COMMD1: variants seen among roughly 807,000 people sequenced by gnomAD.
COMMD1 encodes COMM domain-containing protein 1.
COMMD1 carries 10 observed loss-of-function variants against 17.2 expected under a neutral mutation model. That is an observed-to-expected ratio of 0.58 (90% CI 0.36 to 0.99). The LOEUF (loss-of-function observed/expected upper bound fraction) is 0.99. Ranked by LOEUF, COMMD1 falls within the 50% of genes least tolerant of loss-of-function variation. The pLI, the probability that COMMD1 is intolerant of heterozygous loss-of-function variation, is 0.01. For synonymous variants in COMMD1, 97 were observed against 91.6 expected (o/e 1.06, Z -0.34); for missense variants, 270 against 231.8 (o/e 1.17, Z -1.07).
intron 1 of COMMD1, among the ~76,000 whole-genome samples, chr2:61,975,838 A>G (rs1215298893): frequency 6.6e-6 from 1 of 152,194 alleles, no homozygotes; most frequent in African/African-American, 2.4e-5. Flanking sequence ...CATACTTCGT[A>G]TAATTTCTAT....
intron 2 of COMMD1, among the ~76,000 whole-genome samples, chr2:62,056,396 C>T (rs1014110843): frequency 1.3e-5 from 2 of 152,180 alleles, no homozygotes; most frequent in African/African-American, 4.8e-5. Context: ...ATGAGAGCCA[C>T]TCCAGAGATT....
At chr2:61,928,690 C>A (rs1005287462) in intron 1 of COMMD1, 1 of 152,094 alleles carries the variant, frequency 6.6e-6, no homozygotes, top group African/African-American at 2.4e-5. Context: ...TTGTGATAAG[C>A]TATAAACCAG....
intron 2 of COMMD1, among the ~76,000 whole-genome samples, chr2:62,007,210 T>C (rs7609513): frequency 0.29 from 43,975 of 152,038 alleles, 8,342 homozygotes; most frequent in African/African-American, 0.54. Context: ...GTTGAGTTTT[T>C]AGCAGACCTA....
At position 61,910,019 on chromosome 2, in the gene COMMD1, C is replaced by T. The variant is rs1325938023; in HGVS notation, c.180+4161C>T. Among the ~76,000 whole-genome samples the T allele has an allele frequency of 2.6e-5, 4 of 152,254 alleles. No individual in the cohort carries two copies. In the South Asian group the frequency reaches 8.3e-4, roughly 32 times the overall value. ...GCCCTCCTATCCTACTTGACTGGGACATTGACCCTCTCTAGCTTTGCCTGT... is the reference window on the plus strand; with the variant it reads ...GCCCTCCTATCCTACTTGACTGGGATATTGACCCTCTCTAGCTTTGCCTGT... On this transcript the variant is annotated intron_variant, in intron 1 of 2. Coordinates refer to ENST00000311832, the MANE Select transcript of COMMD1 (RefSeq NM_152516.4).
chr2:62,030,474 C>G (rs1275561435), intron 2 of COMMD1, among the ~76,000 whole-genome samples: 1 of 152,152 alleles, frequency 6.6e-6, no homozygotes, highest in Non-Finnish European at 1.5e-5. Context: ...GGTCTCTAGC[C>G]ACTAGTCAAC....
At chr2:62,049,970 A>G (rs1210065395) in intron 2 of COMMD1, among the ~76,000 whole-genome samples, 1 of 151,572 alleles carries the variant, frequency 6.6e-6, no homozygotes, top group Non-Finnish European at 1.5e-5. Flanking sequence ...CAGATAAATC[A>G]AAAAAACATG....
chr2:61,919,679 T>C (rs1350400839), intron 1 of COMMD1, among the ~76,000 whole-genome samples: 3 of 152,110 alleles, frequency 2.0e-5, no homozygotes, highest in Non-Finnish European at 4.4e-5. Flanking sequence ...ACTGGTGCCC[T>C]GAGTTTTGCT....
chr2:61,888,940 T>C (rs1669342146), intron 1 of COMMD1: 1 of 154,942 alleles, frequency 6.5e-6, no homozygotes. Context: ...AGTCTCACTC[T>C]GTTGCCCAGG....
intron 1 of COMMD1, among the ~76,000 whole-genome samples, chr2:61,939,297 C>CAA (rs1194444288): frequency 5.4e-4 from 35 of 65,268 alleles, no homozygotes; most frequent in South Asian, 1.5e-3. Flanking sequence ...ACTAAAAATA[C>CAA]AAAAAAAAAA....
At chr2:61,953,935 T>A (rs1310921207) in intron 1 of COMMD1, among the ~76,000 whole-genome samples, 2 of 152,114 alleles carry the variant, frequency 1.3e-5, no homozygotes, top group Non-Finnish European at 2.9e-5. Context: ...AAGAGTCTAT[T>A]CAGGCCGGGT....
rs538169159 is a variant in COMMD1, at chr2:62,089,865, A to G, written c.463-45966A>G. Among the ~76,000 whole-genome samples the G allele has an allele frequency of 2.0e-5, 3 of 152,190 alleles. No homozygotes were observed. In the South Asian group the frequency reaches 6.2e-4, roughly 32 times the overall value. On this transcript the variant is annotated intron_variant, in intron 2 of 2. Coordinates refer to ENST00000311832, the MANE Select transcript of COMMD1 (RefSeq NM_152516.4). ...TCAGAATGCATATGCAGGCCAACTA[A>G]CAGCAGCAGGTCCCACAGCGCTAAG...
intron 1 of COMMD1, among the ~76,000 whole-genome samples, chr2:61,960,840 A>T (rs953968766): frequency 4.6e-5 from 7 of 152,166 alleles, no homozygotes; most frequent in Non-Finnish European, 1.0e-4. Flanking sequence ...CCAAGGAAGT[A>T]GTTTGTCACC....
intron 2 of COMMD1, among the ~76,000 whole-genome samples, chr2:62,121,276 A>G (rs766459423): frequency 9.4e-5 from 14 of 148,592 alleles, no homozygotes; most frequent in South Asian, 2.2e-4. Context: ...AGGCTGAGGC[A>G]GGAGAATCAC....
chr2:61,989,463 AT>A (rs1238326375), intron 1 of COMMD1, among the ~76,000 whole-genome samples: 546 of 137,208 alleles, frequency 4.0e-3, no homozygotes, highest in Admixed American at 4.0e-3. Context: ...GCAAATATTG[AT>A]TTTTTTTTTT....
intron 2 of COMMD1, among the ~76,000 whole-genome samples, chr2:62,113,189 T>C (rs572690649): frequency 1.3e-5 from 2 of 148,330 alleles, no homozygotes; most frequent in Non-Finnish European, 3.0e-5. Context: ...TACAAAAAAA[T>C]TAAAAAAAAA....
intron 1 of COMMD1, among the ~76,000 whole-genome samples, chr2:61,896,763 C>A (rs1043749412): frequency 6.6e-6 from 1 of 151,630 alleles, no homozygotes; most frequent in Non-Finnish European, 1.5e-5. Flanking sequence ...CTTTTTCTTC[C>A]TGAAAGCAGA....
chr2:62,018,047 C>CA (rs111400389), intron 2 of COMMD1, among the ~76,000 whole-genome samples: 179 of 132,280 alleles, frequency 1.4e-3, no homozygotes, highest in African/African-American at 2.1e-3. Context: ...TGACCTATCT[C>CA]AAAAAAAAAA....
At chr2:61,990,912 A>ACACACT (rs1558551613) in intron 1 of COMMD1, among the ~76,000 whole-genome samples, 9 of 148,524 alleles carry the variant, frequency 6.1e-5, no homozygotes, top group Non-Finnish European at 1.0e-4. Flanking sequence ...ATACACACAC[A>ACACACT]CACACACACA....
At chr2:62,067,156 C>T (rs116334550) in intron 2 of COMMD1, among the ~76,000 whole-genome samples, 13,111 of 150,926 alleles carry the variant, frequency 0.087, 735 homozygotes, top group Non-Finnish European at 0.12. Flanking sequence ...ACCCGGAAGG[C>T]GGAGGTTGCG....
Sources: allele counts gnomAD v4.1 joint callset (sites outside exome capture counted in the v4.1 genomes callset), GRCh38; gene constraint gnomAD v4.1.1; transcripts MANE v1.5; gene names NCBI Gene and HGNC (gene_info 2026-07-23, HGNC 2026-07-21).